The following TNIK variants were observed in gnomAD, a reference collection of about 807,000 sequenced individuals.
TNIK encodes TRAF2 and NCK-interacting protein kinase.
A neutral mutation model predicts 191.3 loss-of-function variants in TNIK; 49 were observed. The observed-to-expected ratio is 0.26, with a 90% CI of 0.20 to 0.32. The LOEUF (loss-of-function observed/expected upper bound fraction) is 0.32, where lower values mean the gene tolerates loss of function less well. Among genes scored for constraint, TNIK ranks in the 10% least tolerant of loss-of-function variants. The pLI is 1.00. For synonymous variants in TNIK, 594 were observed against 600.9 expected (o/e 0.99, Z 0.17); for missense variants, 1,155 against 1,702.3 (o/e 0.68, Z 5.66).
intron 4 of TNIK, among the ~76,000 whole-genome samples, chr3:171,209,581 C>T (rs1190540809): frequency 6.6e-6 from 1 of 151,950 alleles, no homozygotes; most frequent in Admixed American, 6.6e-5. Flanking sequence ...TATTTATTTT[C>T]TCCCACTACT....
At chr3:171,436,531 C>T (rs1334920538) in intron 1 of TNIK, among the ~76,000 whole-genome samples, 1 of 152,176 alleles carries the variant, frequency 6.6e-6, no homozygotes. Context: ...TCACAAGCTG[C>T]AAAGCTAGTA....
chr3:171,135,417 T>C (rs1321172735), intron 15 of TNIK, among the ~76,000 whole-genome samples: 1 of 152,236 alleles, frequency 6.6e-6, no homozygotes, highest in Non-Finnish European at 1.5e-5. Context: ...TTTGTTCTTA[T>C]TTGTACATCG....
Position 171,188,728 on chromosome 3 carries a change from T to G in TNIK, c.613A>C (p.Asn205His), listed in dbSNP as rs898483985. 10 of 1,613,518 alleles carry G rather than the reference T, an allele frequency of 6.2e-6. No homozygotes were observed. The highest frequency in any genetic ancestry group is 8.5e-6 in the Non-Finnish European group (10 of 1,179,530). The stretch of plus-strand genomic sequence containing the variant: ...TTGAAATCATATGTGGCATCTGGGT[T>G]TTCATCACAGGCAATAACTTCTGGT... The part of the protein sequence containing the change: ...MAPEVIACDE[N>H]PDATYDFKSD... Residue 205 changes from asparagine to histidine, a missense_variant, in exon 7 of 33, where the codon AAC (asparagine) becomes CAC (histidine). Asn to His is a moderately conservative substitution (Grantham distance 68, BLOSUM62 1). Around this residue, in one of 3 missense-constraint regions of TNIK, gnomAD observed 225 missense variants for 438.9 expected, o/e 0.51. Coordinates refer to ENST00000436636, the MANE Select transcript of TNIK (RefSeq NM_015028.4).
At chr3:171,323,843 CCT>C (rs1180184386) in intron 2 of TNIK, among the ~76,000 whole-genome samples, 1 of 152,060 alleles carries the variant, frequency 6.6e-6, no homozygotes, top group Admixed American at 6.5e-5. Context: ...AGCATTTTAG[CCT>C]CTGATTAAGA....
intron 22 of TNIK, 60 bp from the exon 23 acceptor site, chr3:171,094,028 T>G: frequency 6.4e-7 from 1 of 1,556,744 alleles, no homozygotes; most frequent in Non-Finnish European, 8.7e-7. Flanking sequence ...CTGTTTCCTG[T>G]CCATATTCAT....
intron 2 of TNIK, among the ~76,000 whole-genome samples, chr3:171,321,129 T>C (rs1376452493): frequency 6.6e-6 from 1 of 152,240 alleles, no homozygotes; most frequent in African/African-American, 2.4e-5. Flanking sequence ...CAACGATTTC[T>C]TTAGCAACAG....
rs578121095 is a variant in TNIK at position 171,115,442 on chromosome 3, C to A, written c.2121-4565G>T. ...CTTATGCAGAGGGGACAATAGGGAG[C>A]ATGGCAAAACTGTATGTTGTGTATG... On this transcript the variant is annotated intron_variant, in intron 18 of 32. Coordinates refer to ENST00000436636, the MANE Select transcript of TNIK (RefSeq NM_015028.4). 1.2e-4 allele frequency among the ~76,000 whole-genome samples: 19 copies of A among 152,330 alleles called. No homozygotes were observed. The South Asian group carries it at 3.9e-3, about 32-fold the overall frequency.
intron 28 of TNIK, among the ~76,000 whole-genome samples, chr3:171,077,134 T>C (rs527865496): frequency 8.0e-5 from 12 of 150,234 alleles, no homozygotes; most frequent in Admixed American, 4.7e-4. Flanking sequence ...ATGTAAACTT[T>C]CTGCTGATAA....
chr3:171,196,990 T>C (rs1052321155), intron 4 of TNIK, among the ~76,000 whole-genome samples: 7 of 152,158 alleles, frequency 4.6e-5, no homozygotes, highest in Non-Finnish European at 7.4e-5. Flanking sequence ...CTCCTGACTT[T>C]GTGATCCGCC....
intron 2 of TNIK, among the ~76,000 whole-genome samples, chr3:171,306,329 T>C (rs1753447407): frequency 6.6e-6 from 1 of 152,156 alleles, no homozygotes; most frequent in Non-Finnish European, 1.5e-5. Flanking sequence ...AGTTTACCTA[T>C]GTAACAAACC....
chr3:171,082,092 A>G lies in TNIK; in HGVS notation c.3313+159T>C, dbSNP rs185709772. On this transcript the variant is annotated intron_variant, in intron 27 of 32. Coordinates refer to ENST00000436636, the MANE Select transcript of TNIK (RefSeq NM_015028.4). Reference sequence around the variant, plus strand: ...CTTCTTTTTGGAGGTCAGAATTCCCAGTGTTACAAAATGTGGGCAATCTCA... The same window carrying G: ...CTTCTTTTTGGAGGTCAGAATTCCCGGTGTTACAAAATGTGGGCAATCTCA... Among the ~76,000 whole-genome samples, 168 of 152,330 alleles carry G rather than the reference A, an allele frequency of 1.1e-3. 1 individual carries two copies. Among genetic ancestry groups the G allele is most frequent in the African/African-American group, 4.0e-3 (165 of 41,570 alleles).
chr3:171,336,035 T>A (rs1315544899), intron 2 of TNIK, among the ~76,000 whole-genome samples: 1 of 152,178 alleles, frequency 6.6e-6, no homozygotes, highest in African/African-American at 2.4e-5. Flanking sequence ...TAAGTATCTT[T>A]ACATATTCAT....
chr3:171,333,868 GT>G (rs753106904), intron 2 of TNIK, among the ~76,000 whole-genome samples: 1 of 152,226 alleles, frequency 6.6e-6, no homozygotes, highest in Non-Finnish European at 1.5e-5. Context: ...GCCAAAGGCA[GT>G]TTTTTTCTCC....
chr3:171,128,995 G>A, intron 15 of TNIK, 117 bp from the exon 16 acceptor site: 1 of 1,396,584 alleles, frequency 7.2e-7, no homozygotes, highest in Non-Finnish European at 9.4e-7. Flanking sequence ...CTGATCAACT[G>A]ATTTTAAGAA....
chr3:171,189,986 T>G (rs1050241715), intron 6 of TNIK, among the ~76,000 whole-genome samples: 12 of 152,236 alleles, frequency 7.9e-5, no homozygotes, highest in African/African-American at 2.4e-4. Flanking sequence ...TAAATCTCTT[T>G]GAAAATATAC....
At chr3:171,155,908 G>A (rs575365115) in intron 12 of TNIK, among the ~76,000 whole-genome samples, 3 of 152,116 alleles carry the variant, frequency 2.0e-5, no homozygotes, top group African/African-American at 2.4e-5. Context: ...TCTGAAACCC[G>A]GTTTTCTTCT....
chr3:171,220,294 T>C (rs994535838), intron 3 of TNIK, among the ~76,000 whole-genome samples: 1 of 152,094 alleles, frequency 6.6e-6, no homozygotes. Flanking sequence ...CTAATGTAGA[T>C]GACAGGTTGA....
chr3:171,258,064 C>A (rs1204794341), intron 2 of TNIK, among the ~76,000 whole-genome samples: 1 of 152,096 alleles, frequency 6.6e-6, no homozygotes, highest in Non-Finnish European at 1.5e-5. Context: ...TTTTCCACCA[C>A]AGTGATGATG....
At chr3:171,311,364 A>G (rs1454673420) in intron 2 of TNIK, among the ~76,000 whole-genome samples, 1 of 152,212 alleles carries the variant, frequency 6.6e-6, no homozygotes, top group African/African-American at 2.4e-5. Context: ...GGAAATGCAG[A>G]AGGAACAAGC....
Sources: gnomAD v4.1 joint callset for allele counts (sites outside exome capture counted in the v4.1 genomes callset) on GRCh38, gnomAD v4.1.1 for gene constraint, gnomAD v4.1.1 regional missense constraint, MANE v1.5 for transcripts, NCBI Gene and HGNC (gene_info 2026-07-23, HGNC 2026-07-21) for gene names.